The following TCF7L2 variants were observed in gnomAD, a reference collection of about 807,000 sequenced individuals.
TCF7L2 encodes the protein transcription factor 7-like 2.
A neutral mutation model predicts 77.9 loss-of-function variants in TCF7L2; 23 were observed. The ratio of observed to expected loss-of-function variants is 0.30; its 90% confidence interval spans 0.21 to 0.42. The LOEUF is 0.42. Among genes scored for constraint, TCF7L2 ranks in the 10% least tolerant of loss-of-function variants. The pLI, the probability that TCF7L2 is intolerant of heterozygous loss-of-function variation, is 1.00. For missense variants in TCF7L2, 654 were observed against 793.1 expected, an observed-to-expected ratio of 0.82 and a Z score of 2.11; for synonymous variants, 413 against 340.2, an observed-to-expected ratio of 1.21 and a Z score of -2.36.
intron 3 of TCF7L2, among the ~76,000 whole-genome samples, chr10:112,962,936 G>T (rs1057079961): frequency 2.6e-5 from 4 of 152,094 alleles, no homozygotes; most frequent in Non-Finnish European, 5.9e-5. Context: ...AGTATGTGTG[G>T]GGGGCTGTGT....
chr10:113,100,370 G>C (rs1260753365), intron 5 of TCF7L2, among the ~76,000 whole-genome samples: 1 of 152,178 alleles, frequency 6.6e-6, no homozygotes, highest in Non-Finnish European at 1.5e-5. Flanking sequence ...TCTCGAATCT[G>C]CCTTTAGAAG....
intron 5 of TCF7L2, among the ~76,000 whole-genome samples, chr10:113,044,244 T>C (rs2053015919): frequency 6.6e-6 from 1 of 152,232 alleles, no homozygotes; most frequent in African/African-American, 2.4e-5. Context: ...TGGAAAACTC[T>C]TACGAAATAA....
chr10:113,101,760 G>A (rs1020319878), intron 5 of TCF7L2, among the ~76,000 whole-genome samples: 42 of 148,070 alleles, frequency 2.8e-4, no homozygotes, highest in Non-Finnish European at 4.9e-4. Flanking sequence ...GGAGAATGGC[G>A]TGAACCCAGG....
chr10:112,951,348 G>A, intron 2 of TCF7L2, 75 bp downstream of exon 2: 2 of 977,572 alleles, frequency 2.0e-6, no homozygotes, highest in Non-Finnish European at 1.2e-6. Flanking sequence ...CCCCGGCCCC[G>A]CGCCCGGCTC....
intron 4 of TCF7L2, among the ~76,000 whole-genome samples, chr10:113,033,504 T>A (rs1164333128): frequency 6.6e-6 from 1 of 152,150 alleles, no homozygotes; most frequent in Admixed American, 6.5e-5. Context: ...TGCCTCAGCC[T>A]TCCAAAGTAC....
At chr10:113,002,157 C>T (rs1461601453) in intron 4 of TCF7L2, among the ~76,000 whole-genome samples, 3 of 152,150 alleles carry the variant, frequency 2.0e-5, no homozygotes, top group East Asian at 1.9e-4. Flanking sequence ...TATGAGGCCT[C>T]GGACTTCATA....
At chr10:113,073,935 C>G (rs1215575153) in intron 5 of TCF7L2, among the ~76,000 whole-genome samples, 1 of 152,220 alleles carries the variant, frequency 6.6e-6, no homozygotes, top group Non-Finnish European at 1.5e-5. Flanking sequence ...TAGCATTTCT[C>G]TGCTCTGTAA....
intron 4 of TCF7L2, among the ~76,000 whole-genome samples, chr10:112,968,495 G>C (rs2037500850): frequency 6.6e-6 from 1 of 152,098 alleles, no homozygotes; most frequent in Non-Finnish European, 1.5e-5. Flanking sequence ...TATATTAATT[G>C]ACTGTTTATG....
At chr10:113,096,603 G>A (rs920399273) in intron 5 of TCF7L2, among the ~76,000 whole-genome samples, 2 of 151,942 alleles carry the variant, frequency 1.3e-5, no homozygotes, top group East Asian at 1.9e-4. Context: ...TGGTGGAAGC[G>A]CCATAGGAGG....
In TCF7L2 at chr10:112,950,437, G is replaced by C. The variant is rs1373629978; in HGVS notation, c.-320G>C. On this transcript the variant is annotated 5_prime_UTR_variant, in exon 1 of 14. Coordinates refer to ENST00000627217, the MANE Select transcript of TCF7L2 (RefSeq NM_001146274.2). The stretch of plus-strand genomic sequence containing the variant: ...CTTTGCTCTTTATATCTGACTTCTT[G>C]TTGTTGTTGGTGTTTTTTTTTTTTT... The C allele has an allele frequency of 1.7e-5, 4 of 232,020 alleles. No individual in the cohort carries two copies. The highest frequency in any genetic ancestry group is 1.3e-4 in the East Asian group (2 of 15,694). 14.4% of individuals were successfully genotyped at this position (232,020 alleles called of 1,614,324 possible).
rs189212964 is a variant in TCF7L2, at chr10:112,952,081, C to T, written c.381+474C>T. Among the ~76,000 whole-genome samples, 37 of 152,236 alleles carry T rather than the reference C, an allele frequency of 2.4e-4. No individual in the cohort carries two copies. The East Asian group carries it at 7.0e-3, about 29-fold the overall frequency. ...TTTCCCCGGTTAACCCCTTGGCTGC[C>T]GCTGCGGGCCACGAGTGACTGACTG... On this transcript the variant is annotated intron_variant, in intron 3 of 13. Transcript: ENST00000627217.
At chr10:113,006,904 CT>C (rs1192305670) in intron 4 of TCF7L2, among the ~76,000 whole-genome samples, 1 of 152,250 alleles carries the variant, frequency 6.6e-6, no homozygotes, top group East Asian at 1.9e-4. Flanking sequence ...GCCTCCTGCC[CT>C]TCCCACTTCC....
intron 5 of TCF7L2, among the ~76,000 whole-genome samples, chr10:113,087,639 A>C (rs2059965154): frequency 6.6e-6 from 1 of 152,162 alleles, no homozygotes; most frequent in African/African-American, 2.4e-5. Context: ...TTAGACCTCC[A>C]GGGGTGGAGA....
chr10:113,048,640 A>G (rs776849420), intron 5 of TCF7L2, among the ~76,000 whole-genome samples: 4 of 152,196 alleles, frequency 2.6e-5, no homozygotes, highest in Non-Finnish European at 5.9e-5. Flanking sequence ...TGCTAATCCA[A>G]CCTTATACAT....
At chr10:113,120,600 C>A (rs907862154) in intron 5 of TCF7L2, among the ~76,000 whole-genome samples, 10 of 152,052 alleles carry the variant, frequency 6.6e-5, no homozygotes, top group Non-Finnish European at 1.5e-4. Flanking sequence ...ATCATACCTT[C>A]TAGAGGAGTG....
intron 4 of TCF7L2, among the ~76,000 whole-genome samples, chr10:113,005,659 C>T (rs1315823682): frequency 6.6e-6 from 1 of 152,134 alleles, no homozygotes; most frequent in Admixed American, 6.5e-5. Context: ...CCTCCTTGTA[C>T]TTCGGGGTGA....
At chr10:113,053,403 G>A (rs2054809680) in intron 5 of TCF7L2, among the ~76,000 whole-genome samples, 1 of 152,206 alleles carries the variant, frequency 6.6e-6, no homozygotes, top group Non-Finnish European at 1.5e-5. Flanking sequence ...TAGCAAGGGT[G>A]TGGATTGTCG....
rs533461317 is a variant in TCF7L2 at position 112,962,655 on chromosome 10, G to A, written c.382-1901G>A. The stretch of plus-strand genomic sequence containing the variant: ...CTCTTACCGCCTAGGCTGGAGTGCA[G>A]CGATAAGGTCTTGGCTCACTGCAAC... On this transcript the variant is annotated intron_variant, in intron 3 of 13. Coordinates refer to ENST00000627217, the MANE Select transcript of TCF7L2 (RefSeq NM_001146274.2). Among the ~76,000 whole-genome samples, 9 of 152,232 alleles carry A rather than the reference G, an allele frequency of 5.9e-5. 1 individual carries two copies. Among genetic ancestry groups the A allele is most frequent in the African/African-American group, 2.2e-4 (9 of 41,554 alleles).
intron 4 of TCF7L2, among the ~76,000 whole-genome samples, chr10:113,032,377 G>A (rs2050390081): frequency 6.6e-6 from 1 of 152,180 alleles, no homozygotes; most frequent in African/African-American, 2.4e-5. Flanking sequence ...GGATTTTTTT[G>A]TTTGTTAGTT....
Sources: gnomAD v4.1 joint callset for allele counts (sites outside exome capture counted in the v4.1 genomes callset) on GRCh38, gnomAD v4.1.1 for gene constraint, MANE v1.5 for transcripts, NCBI Gene and HGNC (gene_info 2026-07-23, HGNC 2026-07-21) for gene names.